Variants in KIAA1143 observed in about 807,000 individuals in gnomAD.
The protein encoded by KIAA1143 is KIAA1143.
In KIAA1143, 8 loss-of-function variants were observed where a neutral mutation model predicts 17.0. The observed-to-expected ratio is 0.47, with a 90% CI of 0.28 to 0.85. The LOEUF (loss-of-function observed/expected upper bound fraction) is 0.85. Ranked by LOEUF, KIAA1143 falls within the 40% of genes least tolerant of loss-of-function variation. The probability of loss-of-function intolerance (pLI) is 0.12; values close to 1 mark genes in which losing one functional copy is unlikely to be tolerated. For missense variants in KIAA1143, 162 were observed against 183.3 expected (o/e 0.88, Z 0.67); for synonymous variants, 64 against 67.8 (o/e 0.94, Z 0.27).
Position 44,750,152 on chromosome 3 carries a change from A to G in KIAA1143, c.*3189T>C, listed in dbSNP as rs1026067476. 2.0e-5 allele frequency: 3 copies of G among 152,270 alleles called. No homozygotes were observed. Among genetic ancestry groups the G allele is most frequent in the African/African-American group, 7.2e-5 (3 of 41,472 alleles). 9.4% of individuals were successfully genotyped at this position (152,270 alleles called of 1,614,324 possible). A position where few individuals can be genotyped will look rare whatever the true frequency, so the allele number is the denominator to read the frequency against. ...AACAACAAAAAAAAATTGATAAATTACATAACTTACAAATTAGTAAGAAAG... is the reference window on the plus strand; with the variant it reads ...AACAACAAAAAAAAATTGATAAATTGCATAACTTACAAATTAGTAAGAAAG... On this transcript the variant is annotated 3_prime_UTR_variant, in exon 3 of 3. Transcript: ENST00000296121.
At chr3:44,757,676 A>G (rs1394140867) in intron 1 of KIAA1143, among the ~76,000 whole-genome samples, 1 of 152,266 alleles carries the variant, frequency 6.6e-6, no homozygotes, top group Non-Finnish European at 1.5e-5. Context: ...TAGATAAGAT[A>G]TGGATAAGGT....
intron 1 of KIAA1143, among the ~76,000 whole-genome samples, chr3:44,754,631 C>T (rs370076058): frequency 6.6e-6 from 1 of 152,104 alleles, no homozygotes; most frequent in African/African-American, 2.4e-5. Context: ...TGTGAGGGAC[C>T]CTCTGCTTTG....
At chr3:44,758,175 T>C (rs747437291) in intron 1 of KIAA1143, among the ~76,000 whole-genome samples, 13 of 152,206 alleles carry the variant, frequency 8.5e-5, no homozygotes, top group Admixed American at 2.0e-4. Context: ...TGAGTCCTAA[T>C]CTTTTTGCCA....
chr3:44,757,283 T>G (rs1374605320), intron 1 of KIAA1143, among the ~76,000 whole-genome samples: 3 of 152,170 alleles, frequency 2.0e-5, no homozygotes, highest in Admixed American at 2.0e-4. Flanking sequence ...GGATCAGTCA[T>G]TCCCTGTGTT....
rs895464626 is a variant in KIAA1143, at chr3:44,751,767, G to A, written c.*1574C>T. On this transcript the variant is annotated 3_prime_UTR_variant, in exon 3 of 3. Transcript: ENST00000296121. ...TTTCCTTTTGCCTAGAGACCACCAAGTTAGATGATCATGTGACAAGATTTC... is the reference window on the plus strand; with the variant it reads ...TTTCCTTTTGCCTAGAGACCACCAAATTAGATGATCATGTGACAAGATTTC... 5.3e-5 allele frequency: 8 copies of A among 152,158 alleles called. No homozygotes were observed. Among genetic ancestry groups the A allele is most frequent in the African/African-American group, 1.4e-4 (6 of 41,442 alleles). The allele number at this position is 152,158 out of a possible 1,614,324, so 9.4% of individuals were successfully genotyped here.
chr3:44,761,202 G>A (rs914886692), intron 1 of KIAA1143, among the ~76,000 whole-genome samples: 35 of 152,080 alleles, frequency 2.3e-4, no homozygotes, highest in African/African-American at 8.2e-4. Flanking sequence ...AAACAAGTGA[G>A]AAAGAAGAGA....
chr3:44,758,056 T>G (rs950408880), intron 1 of KIAA1143, among the ~76,000 whole-genome samples: 4 of 152,216 alleles, frequency 2.6e-5, no homozygotes, highest in African/African-American at 9.6e-5. Context: ...AGTACACGAT[T>G]CATGGGAGGA....
At chr3:44,761,220 G>A (rs1203620733) in intron 1 of KIAA1143, among the ~76,000 whole-genome samples, 1 of 152,146 alleles carries the variant, frequency 6.6e-6, no homozygotes, top group Non-Finnish European at 1.5e-5. Flanking sequence ...AGACAATAAA[G>A]TGATCTTTCT....
intron 1 of KIAA1143, 46 bp downstream of exon 1, chr3:44,761,449 G>A (rs1705118549): frequency 6.8e-7 from 1 of 1,460,028 alleles, no homozygotes; most frequent in African/African-American, 1.4e-5. Flanking sequence ...GTTGAAAGTG[G>A]CGGGCTGGCT....
At position 44,748,827 on chromosome 3, in the gene KIAA1143, T is replaced by C. The variant is rs1704853136; in HGVS notation, c.*4514A>G. Reference sequence around the variant, plus strand: ...GAATACAGTGGTGAATAACACAAACTCCATGCTTTCAAGATTCCCACACCC... The same window carrying C: ...GAATACAGTGGTGAATAACACAAACCCCATGCTTTCAAGATTCCCACACCC... On this transcript the variant is annotated 3_prime_UTR_variant, in exon 3 of 3. Coordinates refer to ENST00000296121, the MANE Select transcript of KIAA1143 (RefSeq NM_020696.4). 6.6e-6 allele frequency: 1 copy of C among 152,152 alleles called. No individual in the cohort carries two copies. Among genetic ancestry groups the C allele is most frequent in the African/African-American group, 2.4e-5 (1 of 41,414 alleles). The allele number at this position is 152,152 out of a possible 1,614,324, so 9.4% of individuals were successfully genotyped here. A position where few individuals can be genotyped will look rare whatever the true frequency, so the allele number is the denominator to read the frequency against.
At chr3:44,759,724 T>C (rs1004039686) in intron 1 of KIAA1143, among the ~76,000 whole-genome samples, 3 of 151,514 alleles carry the variant, frequency 2.0e-5, no homozygotes, top group African/African-American at 7.3e-5. Context: ...TGGAATCCTG[T>C]CTCTACAAAA....
chr3:44,755,742 T>C (rs1241274428), intron 1 of KIAA1143, among the ~76,000 whole-genome samples: 1 of 152,242 alleles, frequency 6.6e-6, no homozygotes, highest in African/African-American at 2.4e-5. Context: ...ATAGGTAGCA[T>C]GTATTGCACT....
chr3:44,751,201 A>C lies in KIAA1143; in HGVS notation c.*2140T>G, dbSNP rs1476270366. On this transcript the variant is annotated 3_prime_UTR_variant, in exon 3 of 3. Transcript: ENST00000296121. Reference sequence around the variant, plus strand: ...TTCTGCTGTGATTTGTCTTTGGTGGAAGTGGTAGACTGGAGACAGAAATAT... The same window carrying C: ...TTCTGCTGTGATTTGTCTTTGGTGGCAGTGGTAGACTGGAGACAGAAATAT... 2 of 152,172 alleles carry C rather than the reference A, an allele frequency of 1.3e-5. No homozygotes were observed. Among genetic ancestry groups the C allele is most frequent in the Non-Finnish European group, 2.9e-5 (2 of 68,010 alleles). The allele number at this position is 152,172 out of a possible 1,614,324, so 9.4% of individuals were successfully genotyped here.
intron 1 of KIAA1143, among the ~76,000 whole-genome samples, chr3:44,759,477 C>T (rs912008941): frequency 1.2e-4 from 19 of 152,070 alleles, no homozygotes; most frequent in Non-Finnish European, 1.9e-4. Flanking sequence ...ATAATTCTTA[C>T]GGACCCTAGG....
At chr3:44,755,508 ACT>A (rs1704956280) in intron 1 of KIAA1143, among the ~76,000 whole-genome samples, 2 of 151,870 alleles carry the variant, frequency 1.3e-5, no homozygotes, top group East Asian at 3.9e-4. Context: ...ATCCTGTACC[ACT>A]CTCTCATGGC....
Position 44,759,894 on chromosome 3 carries a change from C to CAAAAAAAAAA in KIAA1143, c.108+1591_108+1600dup, listed in dbSNP as rs527806223. 4.2e-3 allele frequency among the ~76,000 whole-genome samples: 214 copies of CAAAAAAAAAA among 51,096 alleles called. 27 individuals are homozygous for CAAAAAAAAAA. Among genetic ancestry groups the CAAAAAAAAAA allele is most frequent in the African/African-American group, 0.012 (169 of 14,394 alleles). The allele number at this position is 51,096 out of a possible 152,430, so 33.5% of individuals were successfully genotyped here. A position where few individuals can be genotyped will look rare whatever the true frequency, so the allele number is the denominator to read the frequency against. ...TGGGCGACAGAGTGAGACCCTATCT[C>CAAAAAAAAAA]AAAAAAAAAAAAAAAAAAAAAGTCC... On this transcript the variant is annotated intron_variant, in intron 1 of 2. Coordinates refer to ENST00000296121, the MANE Select transcript of KIAA1143 (RefSeq NM_020696.4).
chr3:44,753,246 T>C lies in KIAA1143; in HGVS notation c.*95A>G. 1.1e-6 allele frequency: 1 copy of C among 872,608 alleles called. No homozygotes were observed. 54.1% of individuals were successfully genotyped at this position (872,608 alleles called of 1,614,324 possible). A position where few individuals can be genotyped will look rare whatever the true frequency, so the allele number is the denominator to read the frequency against. ...TTTTCTCTATTTCCTAAACTTTCTA[T>C]AAAGAACTTGTAGTATCTTTATAAT... On this transcript the variant is annotated 3_prime_UTR_variant, in exon 3 of 3. Coordinates refer to ENST00000296121, the MANE Select transcript of KIAA1143 (RefSeq NM_020696.4).
intron 1 of KIAA1143, among the ~76,000 whole-genome samples, chr3:44,760,455 T>A (rs975100630): frequency 6.6e-6 from 1 of 152,012 alleles, no homozygotes; most frequent in South Asian, 2.1e-4. Flanking sequence ...AGTGGCGCGA[T>A]CTCGGCTCAC....
chr3:44,757,926 T>C (rs949795468), intron 1 of KIAA1143, among the ~76,000 whole-genome samples: 10 of 152,170 alleles, frequency 6.6e-5, no homozygotes, highest in East Asian at 1.9e-4. Flanking sequence ...TCAAAATAAA[T>C]TGTCACACAA....
Sources: gnomAD v4.1 joint callset for allele counts (sites outside exome capture counted in the v4.1 genomes callset) on GRCh38, gnomAD v4.1.1 for gene constraint, MANE v1.5 for transcripts, NCBI Gene and HGNC (gene_info 2026-07-23, HGNC 2026-07-21) for gene names.